Variants in GSE1 observed in about 807,000 individuals in gnomAD.
GSE1 encodes Gse1 coiled-coil protein, also known as genetic suppressor element 1.
Under a neutral mutation model 112.6 loss-of-function variants are expected in GSE1, and 32 were observed. The ratio of observed to expected loss-of-function variants is 0.28; its 90% CI spans 0.21 to 0.38. GSE1 has a LOEUF of 0.38. GSE1 is among the 10% of genes least tolerant of loss of function. The pLI, the probability that GSE1 is intolerant of heterozygous loss-of-function variation, is 1.00. For missense variants in GSE1, 2,348 were observed against 1,699.2 expected (o/e 1.38, Z -6.71); for synonymous variants, 1,115 against 735.6 (o/e 1.52, Z -8.35).
At chr16:85,180,266 G>GC (rs2074555008) in intron 1 of GSE1, among the ~76,000 whole-genome samples, 1 of 152,252 alleles carries the variant, frequency 6.6e-6, no homozygotes, top group African/African-American at 2.4e-5. Context: ...CCAAGCCAGG[G>GC]CCCGGGGCAG....
intron 2 of GSE1, among the ~76,000 whole-genome samples, chr16:85,535,027 G>T (rs975204268): frequency 6.6e-6 from 1 of 152,216 alleles, no homozygotes; most frequent in Non-Finnish European, 1.5e-5. Flanking sequence ...AGAGCTGATT[G>T]TGCGGGACTG....
At chr16:85,179,687 T>G (rs1390515357) in intron 1 of GSE1, among the ~76,000 whole-genome samples, 1 of 152,164 alleles carries the variant, frequency 6.6e-6, no homozygotes, top group Non-Finnish European at 1.5e-5. Context: ...ATCCTCTTAC[T>G]CCTGGTCTTC....
chr16:85,431,998 TCG>T (rs990488501), intron 2 of GSE1, among the ~76,000 whole-genome samples: 1 of 152,192 alleles, frequency 6.6e-6, no homozygotes, highest in African/African-American at 2.4e-5. Flanking sequence ...GGTGGAATCC[TCG>T]CCGCCTGGGC....
At chr16:85,449,998 T>C (rs948791938) in intron 2 of GSE1, among the ~76,000 whole-genome samples, 1 of 152,144 alleles carries the variant, frequency 6.6e-6, no homozygotes, top group African/African-American at 2.4e-5. Flanking sequence ...AGTGGCCTTC[T>C]GTCTTCAGCC....
rs372474274 is a variant in GSE1 at position 85,293,046 on chromosome 16, G to A, written c.2284-64417G>A. ...GTACGGTTGTGTGGCCATCACCACCGCCACCGTGTTGCTGAACACCTCCCT... is the reference window on the plus strand; with the variant it reads ...GTACGGTTGTGTGGCCATCACCACCACCACCGTGTTGCTGAACACCTCCCT... On this transcript the variant is annotated intron_variant, in intron 1 of 2. Transcript: ENST00000637419. 4.6e-5 allele frequency among the ~76,000 whole-genome samples: 7 copies of A among 152,206 alleles called. No homozygotes were observed. The East Asian group carries it at 7.7e-4, about 17-fold the overall frequency.
At chr16:85,292,774 G>C (rs901196672) in intron 1 of GSE1, among the ~76,000 whole-genome samples, 1 of 152,202 alleles carries the variant, frequency 6.6e-6, no homozygotes, top group African/African-American at 2.4e-5. Context: ...TGAACCACTG[G>C]TAAGTGTACA....
At chr16:85,364,726 C>A (rs1386728127) in intron 2 of GSE1, among the ~76,000 whole-genome samples, 2 of 152,204 alleles carry the variant, frequency 1.3e-5, no homozygotes, top group South Asian at 4.1e-4. Context: ...CCATGCCGTT[C>A]CTGCCCACTT....
At chr16:85,656,815 G>C (rs1567738504) in intron 7 of GSE1, 150 bp downstream of exon 7, 2 of 1,132,584 alleles carry the variant, frequency 1.8e-6, no homozygotes, top group Non-Finnish European at 2.4e-6. Context: ...ATGGAGTAGG[G>C]AGCAGAGGCA....
At chr16:85,670,872 C>G in intron 14 of GSE1, 123 bp from the exon 15 acceptor site, 2 of 657,066 alleles carry the variant, frequency 3.0e-6, no homozygotes, top group Non-Finnish European at 5.5e-6. Context: ...CAGGAGAGGC[C>G]TTCGCTGGCT....
intron 1 of GSE1, among the ~76,000 whole-genome samples, chr16:85,556,580 G>T (rs1308493986): frequency 4.0e-5 from 6 of 151,424 alleles, no homozygotes; most frequent in Admixed American, 3.9e-4. Context: ...CTGGCCCGCC[G>T]CCCCCATCGC....
Position 85,673,144 on chromosome 16 carries a change from T to A in GSE1, c.*605T>A, listed in dbSNP as rs1051462626. 1.3e-5 allele frequency: 2 copies of A among 152,484 alleles called. No homozygotes were observed. Among genetic ancestry groups the A allele is most frequent in the African/African-American group, 4.8e-5 (2 of 41,446 alleles). 9.4% of individuals were successfully genotyped at this position (152,484 alleles called of 1,614,324 possible). A position where few individuals can be genotyped will look rare whatever the true frequency, so the allele number is the denominator to read the frequency against. On this transcript the variant is annotated 3_prime_UTR_variant, in exon 16 of 16. Transcript: ENST00000253458. ...GGCTTTTCCCTGGAAAAGCTCTTTCTTACCTAAAGATAAAACCAATTCACA... is the reference window on the plus strand; with the variant it reads ...GGCTTTTCCCTGGAAAAGCTCTTTCATACCTAAAGATAAAACCAATTCACA...
intron 1 of GSE1, among the ~76,000 whole-genome samples, chr16:85,596,848 C>A (rs2047248855): frequency 6.6e-6 from 1 of 152,042 alleles, no homozygotes; most frequent in Admixed American, 6.6e-5. Context: ...TCAGCCTGGC[C>A]AATGTGGCAA....
rs112089826 is a variant in GSE1 at position 85,236,277 on chromosome 16, G to A, written c.2283+64470G>A. Among the ~76,000 whole-genome samples the A allele has an allele frequency of 7.0e-3, 1,074 of 152,342 alleles. 19 individuals carry two copies. The highest frequency in any genetic ancestry group is 0.024 in the African/African-American group (1,010 of 41,578). On this transcript the variant is annotated intron_variant, in intron 1 of 2. Coordinates refer to the GSE1 transcript ENST00000637419. ...CTAGGGCACCTTGGCTGGCCCCCGTGGTGCGAGCTGTGGCACAACAGATGC... is the reference window on the plus strand; with the variant it reads ...CTAGGGCACCTTGGCTGGCCCCCGTAGTGCGAGCTGTGGCACAACAGATGC...
chr16:85,441,115 G>T (rs528843052), intron 2 of GSE1, among the ~76,000 whole-genome samples: 4 of 152,192 alleles, frequency 2.6e-5, no homozygotes, highest in African/African-American at 9.7e-5. Context: ...TGGGGGCTGC[G>T]GGATGGGGAT....
chr16:85,391,975 T>C (rs1477049369), intron 2 of GSE1, among the ~76,000 whole-genome samples: 1 of 152,096 alleles, frequency 6.6e-6, no homozygotes, highest in Non-Finnish European at 1.5e-5. Flanking sequence ...GGAAAGGTGT[T>C]GGTGGATACC....
chr16:85,527,428 G>A (rs921661768), intron 2 of GSE1, among the ~76,000 whole-genome samples: 1 of 152,288 alleles, frequency 6.6e-6, no homozygotes, highest in Non-Finnish European at 1.5e-5. Flanking sequence ...CGGGATTACC[G>A]GGGAGGCAGG....
At chr16:85,552,681 G>A (rs892874918), upstream of GSE1, among the ~76,000 whole-genome samples, 1 of 152,228 alleles carries the variant, frequency 6.6e-6, no homozygotes, top group African/African-American at 2.4e-5. Context: ...TGGAAGCCAG[G>A]CTGATGGGAG....
At chr16:85,481,048 G>A (rs1198525984) in intron 2 of GSE1, among the ~76,000 whole-genome samples, 3 of 152,096 alleles carry the variant, frequency 2.0e-5, no homozygotes, top group East Asian at 1.9e-4. Flanking sequence ...TGGGCCGCTC[G>A]GCCTCCGGCC....
chr16:85,612,679 T>A (rs1388473606), upstream of GSE1, among the ~76,000 whole-genome samples: 9 of 117,732 alleles, frequency 7.6e-5, no homozygotes, highest in East Asian at 2.6e-3. Context: ...CTTTTCTAGT[T>A]GGGGTAATAA....
Sources: gnomAD v4.1 joint callset for allele counts (sites outside exome capture counted in the v4.1 genomes callset) on GRCh38, gnomAD v4.1.1 for gene constraint, MANE v1.5 for transcripts, NCBI Gene and HGNC (gene_info 2026-07-23, HGNC 2026-07-21) for gene names.